ANKRD12: variants seen among roughly 807,000 people sequenced by gnomAD.
The protein encoded by ANKRD12 is ankyrin repeat domain-containing protein 12.
In ANKRD12, 85 loss-of-function variants were observed where a neutral mutation model predicts 183.4. That is an observed-to-expected ratio of 0.46 (90% CI 0.39 to 0.56). The LOEUF is 0.56. ANKRD12 is among the 20% of genes least tolerant of loss of function. The pLI is 0.00. For synonymous variants in ANKRD12, 914 were observed against 800.2 expected (o/e 1.14, Z -2.40); for missense variants, 2,405 against 2,357.1 (o/e 1.02, Z -0.42).
chr18:9,260,569 A>C (rs146548011), intron 9 of ANKRD12, among the ~76,000 whole-genome samples: 2 of 152,186 alleles, frequency 1.3e-5, no homozygotes, highest in East Asian at 3.9e-4. Flanking sequence ...CACTGATTAC[A>C]CACTACAGAA....
intron 12 of ANKRD12, among the ~76,000 whole-genome samples, chr18:9,279,966 C>T (rs1383498706): frequency 6.6e-6 from 1 of 152,138 alleles, no homozygotes; most frequent in African/African-American, 2.4e-5. Flanking sequence ...GTTTTCAAAT[C>T]TATAAATTAT....
intron 8 of ANKRD12, among the ~76,000 whole-genome samples, chr18:9,223,438 G>A (rs544550028): frequency 1.3e-5 from 2 of 151,178 alleles, no homozygotes; most frequent in East Asian, 1.9e-4. Context: ...TTTTTACCCC[G>A]TCTCTATGAA....
intron 8 of ANKRD12, among the ~76,000 whole-genome samples, chr18:9,244,721 A>G (rs758229318): frequency 1.3e-5 from 2 of 152,222 alleles, no homozygotes; most frequent in Middle Eastern, 3.2e-3. Context: ...GACGCAGGCT[A>G]AAATAATAGC....
Position 9,141,124 on chromosome 18 carries a change from C to G in ANKRD12, c.-52+4159C>G, listed in dbSNP as rs566675707. ...GTTTGGGGGCCAGCTATTCTACCTT[C>G]TGGGTGGTCAAAAAAGAAAAGAAGT... On this transcript the variant is annotated intron_variant, in intron 1 of 12. Transcript: ENST00000262126. Among the ~76,000 whole-genome samples the G allele has an allele frequency of 7.1e-4, 108 of 152,004 alleles. 1 individual carries two copies. Among genetic ancestry groups the G allele is most frequent in the African/African-American group, 2.1e-3 (87 of 41,430 alleles).
chr18:9,186,348 C>G (rs2034061231), intron 2 of ANKRD12, among the ~76,000 whole-genome samples: 1 of 152,088 alleles, frequency 6.6e-6, no homozygotes, highest in African/African-American at 2.4e-5. Context: ...AGAATGAATA[C>G]AAACTATTAC....
rs146794525 is a variant in ANKRD12, at chr18:9,252,131, G to T, written c.944-2080G>T. Among the ~76,000 whole-genome samples the T allele has an allele frequency of 2.3e-3, 343 of 152,318 alleles. 5 individuals are homozygous for T. The highest frequency in any genetic ancestry group is 0.02 in the Admixed American group (304 of 15,292). ...TTTAGGTGATTTTCTCACCATAGCA[G>T]TCATCTACTAAGAAAGGCAGAACAA... On this transcript the variant is annotated intron_variant, in intron 8 of 12. Coordinates refer to ENST00000262126, the MANE Select transcript of ANKRD12 (RefSeq NM_015208.5).
At chr18:9,252,064 C>T (rs905627260) in intron 8 of ANKRD12, among the ~76,000 whole-genome samples, 1 of 152,164 alleles carries the variant, frequency 6.6e-6, no homozygotes, top group Non-Finnish European at 1.5e-5. Flanking sequence ...TAACGATAAA[C>T]ATGGCCATTT....
chr18:9,193,716 A>G (rs766585253), intron 2 of ANKRD12, among the ~76,000 whole-genome samples: 5 of 151,984 alleles, frequency 3.3e-5, no homozygotes, highest in South Asian at 2.1e-4. Context: ...GGTATCTTTT[A>G]TAGTCTGAAT....
chr18:9,173,343 A>G (rs1278975251), intron 1 of ANKRD12, among the ~76,000 whole-genome samples: 1 of 152,168 alleles, frequency 6.6e-6, no homozygotes, highest in Non-Finnish European at 1.5e-5. Flanking sequence ...GTCTGAGATT[A>G]CAGGCATGAG....
chr18:9,278,061 A>G (rs1353501729), intron 11 of ANKRD12, among the ~76,000 whole-genome samples: 1 of 152,226 alleles, frequency 6.6e-6, no homozygotes, highest in Non-Finnish European at 1.5e-5. Context: ...TGCATTGTGC[A>G]CACATTACCT....
chr18:9,208,879 T>C (rs535173231), intron 5 of ANKRD12, 76 bp downstream of exon 5: 94 of 1,267,664 alleles, frequency 7.4e-5, no homozygotes, highest in Non-Finnish European at 9.5e-5. Context: ...TTAACAATTA[T>C]TTTAACTACT....
intron 1 of ANKRD12, among the ~76,000 whole-genome samples, chr18:9,178,321 TTC>T (rs1555612825): frequency 1.5e-4 from 10 of 68,948 alleles, no homozygotes; most frequent in East Asian, 3.4e-4. Flanking sequence ...AGGATCAAGA[TTC>T]TCTCTCTCTC....
chr18:9,259,018 A>C, intron 9 of ANKRD12, 87 bp downstream of exon 9: 1 of 1,411,358 alleles, frequency 7.1e-7, no homozygotes, highest in Non-Finnish European at 9.4e-7. Context: ...GAAGTTTTCT[A>C]GTAGATAGAT....
At chr18:9,270,572 A>G (rs2039544201) in intron 10 of ANKRD12, among the ~76,000 whole-genome samples, 1 of 152,174 alleles carries the variant, frequency 6.6e-6, no homozygotes, top group South Asian at 2.1e-4. Context: ...CAATGAGAAC[A>G]CATGGACACA....
intron 8 of ANKRD12, among the ~76,000 whole-genome samples, chr18:9,235,382 ACT>A (rs903528757): frequency 6.6e-6 from 1 of 152,138 alleles, no homozygotes; most frequent in African/African-American, 2.4e-5. Context: ...CGTTATATGA[ACT>A]CTGTCACTGG....
chr18:9,165,355 C>T (rs2031924225), intron 1 of ANKRD12, among the ~76,000 whole-genome samples: 1 of 152,060 alleles, frequency 6.6e-6, no homozygotes, highest in South Asian at 2.1e-4. Flanking sequence ...GTAAAATATA[C>T]ATAACATAGA....
chr18:9,143,173 C>T (rs921192315), intron 1 of ANKRD12, among the ~76,000 whole-genome samples: 6 of 152,198 alleles, frequency 3.9e-5, no homozygotes, highest in African/African-American at 1.4e-4. Context: ...ATGTATGTTA[C>T]ATGTAAGTGT....
At chr18:9,154,561 AAAC>A (rs902325005) in intron 1 of ANKRD12, among the ~76,000 whole-genome samples, 7 of 152,176 alleles carry the variant, frequency 4.6e-5, no homozygotes, top group Admixed American at 2.0e-4. Flanking sequence ...GTCTCTTAAA[AAAC>A]AACAACAACA....
At chr18:9,280,881 A>AT (rs2040082370) in intron 12 of ANKRD12, 60 bp from the exon 13 acceptor site, 1 of 1,543,808 alleles carries the variant, frequency 6.5e-7, no homozygotes, top group African/African-American at 1.4e-5. Flanking sequence ...GATGAGATTA[A>AT]TTTTTAAACA....
Sources: allele counts gnomAD v4.1 joint callset (sites outside exome capture counted in the v4.1 genomes callset), GRCh38; gene constraint gnomAD v4.1.1; transcripts MANE v1.5; gene names NCBI Gene and HGNC (gene_info 2026-07-23, HGNC 2026-07-21).